Variants in TSPAN2 observed in about 807,000 individuals in gnomAD.
TSPAN2 encodes the protein tetraspanin-2.
TSPAN2 carries 24 observed loss-of-function variants against 33.3 expected under a neutral mutation model. The ratio of observed to expected loss-of-function variants is 0.72; its 90% CI spans 0.52 to 1.01. The LOEUF is 1.01. TSPAN2 is among the 50% of genes least tolerant of loss of function. The probability of loss-of-function intolerance (pLI) is 0.00; values close to 1 mark genes in which losing one functional copy is unlikely to be tolerated. For synonymous variants in TSPAN2, 114 were observed against 104.5 expected (o/e 1.09, Z -0.56); for missense variants, 278 against 281.3 (o/e 0.99, Z 0.08).
chr1:115,082,157 G>T (rs1375488161), intron 1 of TSPAN2, among the ~76,000 whole-genome samples: 1 of 152,212 alleles, frequency 6.6e-6, no homozygotes, highest in East Asian at 1.9e-4. Flanking sequence ...CTGAAATGTA[G>T]CTAGTGGGAC....
At chr1:115,054,191 T>C (rs2101022042) in intron 6 of TSPAN2, among the ~76,000 whole-genome samples, 1 of 152,324 alleles carries the variant, frequency 6.6e-6, no homozygotes, top group East Asian at 1.9e-4. Context: ...TGCTCTTAAG[T>C]AGAGGGATGC....
intron 2 of TSPAN2, among the ~76,000 whole-genome samples, chr1:115,064,911 A>T (rs1469128542): frequency 6.6e-6 from 1 of 152,172 alleles, no homozygotes; most frequent in Non-Finnish European, 1.5e-5. Context: ...GTTGTTCCCC[A>T]CTGTAAATGA....
intron 1 of TSPAN2, 52 bp downstream of exon 1, chr1:115,089,312 G>GGCCCCCCC: frequency 1.2e-4 from 164 of 1,387,920 alleles, no homozygotes; most frequent in Non-Finnish European, 1.5e-4. Context: ...CCGGCCCCGC[G>GGCCCCCCC]CCCGCCACCC....
chr1:115,087,106 A>T (rs2101052069), intron 1 of TSPAN2, among the ~76,000 whole-genome samples: 1 of 152,000 alleles, frequency 6.6e-6, no homozygotes, highest in African/African-American at 2.4e-5. Flanking sequence ...TTTAGTAGAG[A>T]TGAGGTTTCA....
At position 115,062,206 on chromosome 1, in the gene TSPAN2, C is replaced by A; in HGVS notation, c.199G>T (p.Ala67Ser). Residue 67 changes from alanine to serine, a missense_variant, in exon 3 of 8, where the codon GCC becomes TCC. Transcript: ENST00000369516. ...VGLYVLVGAG[A>S]LMMAVGFFGC... ...AAGAACCCCACGGCCATCATCAGGG[C>A]CCCGGCTCCAACCAGAACATACAGC... 6.3e-7 allele frequency: 1 copy of A among 1,595,960 alleles called. No homozygotes were observed. The highest frequency in any genetic ancestry group is 1.7e-5 in the Admixed American group (1 of 57,382).
intron 1 of TSPAN2, among the ~76,000 whole-genome samples, chr1:115,084,683 A>AT (rs1648764512): frequency 1.3e-5 from 2 of 152,162 alleles, no homozygotes; most frequent in Non-Finnish European, 1.5e-5. Flanking sequence ...TTCTTTAGGT[A>AT]TTTTTTCCTA....
Position 115,088,549 on chromosome 1 carries a change from C to T in TSPAN2, c.69+815G>A, listed in dbSNP as rs140515162. Among the ~76,000 whole-genome samples, 829 of 152,200 alleles carry T rather than the reference C, an allele frequency of 5.4e-3. 7 individuals are homozygous for T. The highest frequency in any genetic ancestry group is 0.019 in the African/African-American group (775 of 41,530). ...GTCTGGTCTAGCTGTATCCCTGTCT[C>T]GATAATATAGGAGACAAGGGTCAAG... On this transcript the variant is annotated intron_variant, in intron 1 of 7. Transcript: ENST00000369516.
rs1675286930 is a variant in TSPAN2, at chr1:115,050,527, A to C, written c.629T>G (p.Leu210Arg). The change falls in exon 8 of 8, where the codon CTC (leucine) becomes CGC (arginine). Residue 210 changes from leucine (L) to arginine (R), a missense_variant. Coordinates refer to ENST00000369516, the MANE Select transcript of TSPAN2 (RefSeq NM_005725.6). ...TIFGMIFSMV[L>R]CCAIRNSRDV... ...TCGTGAGTTTCGTATCGCACAGCAG[A>C]GGACCATGCTGAATATCATGCCAAA... The C allele has an allele frequency of 6.2e-7, 1 of 1,613,946 alleles. No individual in the cohort carries two copies. The highest frequency in any genetic ancestry group is 8.5e-7 in the Non-Finnish European group (1 of 1,179,980).
At chr1:115,054,935 C>T (rs1647334009) in intron 6 of TSPAN2, among the ~76,000 whole-genome samples, 2 of 151,910 alleles carry the variant, frequency 1.3e-5, no homozygotes, top group Non-Finnish European at 2.9e-5. Context: ...TGCAGTGAGC[C>T]GAGATCATGC....
In TSPAN2 at chr1:115,084,789, A is replaced by C. The variant is rs183996505; in HGVS notation, c.69+4575T>G. Among the ~76,000 whole-genome samples the C allele has an allele frequency of 7.2e-4, 109 of 152,050 alleles. 1 individual carries two copies. The highest frequency in any genetic ancestry group is 2.4e-3 in the African/African-American group (101 of 41,454). ...GACCTCTATGAGATTCATGTGAGTC[A>C]AACTTCTTTGACTCCCAAGCCTGCA... On this transcript the variant is annotated intron_variant, in intron 1 of 7. Transcript: ENST00000369516.
chr1:115,081,323 C>A (rs1331095078), intron 1 of TSPAN2, among the ~76,000 whole-genome samples: 1 of 152,184 alleles, frequency 6.6e-6, no homozygotes, highest in Non-Finnish European at 1.5e-5. Context: ...TTCCAATGCA[C>A]CCCTGGCCCT....
chr1:115,089,319 A>ACCCCGCCCCCAG, intron 1 of TSPAN2, 45 bp downstream of exon 1: 2 of 1,088,418 alleles, frequency 1.8e-6, no homozygotes, highest in Non-Finnish European at 2.6e-6. Flanking sequence ...CGCGCCCGCC[A>ACCCCGCCCCCAG]CCCGGCCCCC....
chr1:115,079,258 T>C (rs1198345188), intron 1 of TSPAN2, among the ~76,000 whole-genome samples: 1 of 152,184 alleles, frequency 6.6e-6, no homozygotes, highest in East Asian at 1.9e-4. Flanking sequence ...TGCAATTCTC[T>C]TCTTTGGGAT....
chr1:115,087,545 G>C (rs938027151), intron 1 of TSPAN2, among the ~76,000 whole-genome samples: 2 of 151,128 alleles, frequency 1.3e-5, no homozygotes, highest in African/African-American at 4.9e-5. Context: ...GCATCTGGGA[G>C]GTGGAGCTTG....
chr1:115,089,237 G>C (rs940885233), intron 1 of TSPAN2, 127 bp downstream of exon 1: 2 of 658,694 alleles, frequency 3.0e-6, no homozygotes, highest in South Asian at 2.6e-5. Flanking sequence ...CCTCGCCTCC[G>C]CGTTTGAGCA....
At chr1:115,062,399 G>T (rs531468666) in intron 2 of TSPAN2, among the ~76,000 whole-genome samples, 167 bp from the exon 3 acceptor site, 7 of 152,270 alleles carry the variant, frequency 4.6e-5, no homozygotes, top group Admixed American at 3.3e-4. Context: ...AAGGTAAAGC[G>T]ATTTGCTTAA....
intron 6 of TSPAN2, among the ~76,000 whole-genome samples, chr1:115,055,698 A>T (rs562348706): frequency 6.6e-6 from 1 of 151,952 alleles, no homozygotes; most frequent in Non-Finnish European, 1.5e-5. Flanking sequence ...TAATTTTTGT[A>T]TTTTTAGTAG....
intron 2 of TSPAN2, among the ~76,000 whole-genome samples, chr1:115,066,876 C>T (rs1012710004): frequency 6.6e-6 from 1 of 152,096 alleles, no homozygotes; most frequent in South Asian, 2.1e-4. Flanking sequence ...CCGAAAATCC[C>T]AAATCTGAAA....
intron 2 of TSPAN2, among the ~76,000 whole-genome samples, chr1:115,064,862 G>T (rs1647882383): frequency 6.6e-6 from 1 of 152,196 alleles, no homozygotes; most frequent in Admixed American, 6.5e-5. Context: ...GAGGCAGGAG[G>T]CTCACTGGAC....
Sources: gnomAD v4.1 joint callset for allele counts (sites outside exome capture counted in the v4.1 genomes callset) on GRCh38, gnomAD v4.1.1 for gene constraint, MANE v1.5 for transcripts, NCBI Gene and HGNC (gene_info 2026-07-23, HGNC 2026-07-21) for gene names.